Variants in VPS52 observed in about 807,000 individuals in gnomAD.
VPS52 encodes vacuolar protein sorting-associated protein 52 homolog.
In VPS52, 56 loss-of-function variants were observed where a neutral mutation model predicts 98.7. The ratio of observed to expected loss-of-function variants is 0.57; its 90% confidence interval spans 0.46 to 0.71. The LOEUF is 0.71. Ranked by LOEUF, VPS52 falls within the 30% of genes least tolerant of loss-of-function variation. The pLI is 0.00. For synonymous variants in VPS52, 348 were observed against 346.4 expected (o/e 1.00, Z -0.05); for missense variants, 742 against 925.9 (o/e 0.80, Z 2.58).
chr6:33,270,950 CAA>C (rs9280391), intron 1 of VPS52, among the ~76,000 whole-genome samples: 10,897 of 82,712 alleles, frequency 0.13, 257 homozygotes, highest in African/African-American at 0.22. Flanking sequence ...GACTCCGTCT[CAA>C]AAAAAAAAAA....
In VPS52 at chr6:33,268,933, G is replaced by A; in HGVS notation, c.548+81C>T. On this transcript the variant is annotated intron_variant, in intron 6 of 19. Transcript: ENST00000445902. The surrounding 1 kb of genome is among the most constrained non-coding windows in gnomAD (Gnocchi z 4.0). ...AAAAGCACTTAACCTGGAGCCAGGAGACCCATATGGTAAATAGGGTGGGTC... is the reference window on the plus strand; with the variant it reads ...AAAAGCACTTAACCTGGAGCCAGGAAACCCATATGGTAAATAGGGTGGGTC... 6.5e-7 allele frequency: 1 copy of A among 1,528,186 alleles called. No individual in the cohort carries two copies. The highest frequency in any genetic ancestry group is 1.4e-5 in the African/African-American group (1 of 72,160). 94.7% of individuals were successfully genotyped at this position (1,528,186 alleles called of 1,614,324 possible).
intron 12 of VPS52, 146 bp from the exon 13 acceptor site, chr6:33,265,046 T>A: frequency 1.3e-6 from 1 of 768,816 alleles, no homozygotes; most frequent in Non-Finnish European, 2.2e-6. Context: ...TGCCCCCTGC[T>A]TTCCTGTCCA....
intron 17 of VPS52, 137 bp downstream of exon 17, chr6:33,263,347 G>T: frequency 1.4e-6 from 1 of 712,314 alleles, no homozygotes; most frequent in Non-Finnish European, 2.3e-6. Context: ...AAGAGTTACA[G>T]TAATTCCGCA....
chr6:33,251,892 C>T lies in VPS52; in HGVS notation c.1874G>A (p.Arg625His), dbSNP rs761542703. ...FVKEAEALIE[R>H]GQAERLRGEE... Reference sequence around the variant, plus strand: ...CCCTCGAAGTCGCTCAGCCTGTCCACGCTCAATCAAAGCCTCAGCCTCCTT... The same window carrying T: ...CCCTCGAAGTCGCTCAGCCTGTCCATGCTCAATCAAAGCCTCAGCCTCCTT... The change falls in exon 18 of 20, where the codon CGT becomes CAT. Residue 625 changes from arginine to histidine, a missense_variant. By Grantham distance (29) the Arg-to-His change is conservative (BLOSUM62 0). This residue lies in a region of VPS52 where 590 missense variants were observed against 793.3 expected (regional missense o/e 0.74). Coordinates refer to ENST00000445902, the MANE Select transcript of VPS52 (RefSeq NM_022553.6). The T allele has an allele frequency of 1.4e-5, 22 of 1,613,328 alleles. No homozygotes were observed. The highest frequency in any genetic ancestry group is 3.3e-4 in the Middle Eastern group (2 of 6,062).
chr6:33,264,666 G>C (rs917575852), intron 13 of VPS52, 116 bp downstream of exon 13: 19 of 1,402,936 alleles, frequency 1.4e-5, no homozygotes, highest in East Asian at 9.2e-5. Context: ...CGGAGCAAAT[G>C]AATGGGAATA....
At chr6:33,266,798 C>T in intron 11 of VPS52, 86 bp from the exon 12 acceptor site, 1 of 1,504,186 alleles carries the variant, frequency 6.6e-7, no homozygotes, top group Non-Finnish European at 9.0e-7. Context: ...AATCAGTAAA[C>T]CTGAGTAATA....
intron 17 of VPS52, among the ~76,000 whole-genome samples, chr6:33,263,135 G>A (rs1263198968): frequency 2.0e-5 from 3 of 151,408 alleles, no homozygotes; most frequent in Admixed American, 6.6e-5. Flanking sequence ...ATGGTGGCTC[G>A]CACCTGTGGT....
In VPS52 at chr6:33,269,538, A is replaced by G. The variant is rs1426890809; in HGVS notation, c.324T>C (p.Asn108=). ...SIRDYIQESE[N]IASLHNQITA... ...TGATCTGGTTGTGTAGAGATGCTAT[A>G]TTCTCACTCTCTTGAATATCTGATC... is the stretch of plus-strand genomic sequence containing the variant. Residue 108 remains asparagine, a synonymous_variant, in exon 5 of 20, where the codon AAT becomes AAC. Transcript: ENST00000445902. 6.2e-6 allele frequency: 10 copies of G among 1,611,082 alleles called. No homozygotes were observed. Among genetic ancestry groups the G allele is most frequent in the Non-Finnish European group, 8.5e-6 (10 of 1,179,128 alleles).
chr6:33,261,187 G>C lies in VPS52; in HGVS notation c.1794+2297C>G, dbSNP rs116574145. On this transcript the variant is annotated intron_variant, in intron 17 of 19. Transcript: ENST00000445902. ...ACACTGGGGAAAAGATAGTCTCTTG[G>C]TCAGGCACGGTAGCTCACGCCTGTA... 5.9e-3 allele frequency among the ~76,000 whole-genome samples: 904 copies of C among 152,132 alleles called. 11 individuals carry two copies. The highest frequency in any genetic ancestry group is 0.021 in the African/African-American group (875 of 41,492).
intron 5 of VPS52, 137 bp from the exon 6 acceptor site, chr6:33,269,326 G>A: frequency 1.4e-6 from 2 of 1,417,550 alleles, no homozygotes; most frequent in Non-Finnish European, 2.0e-6. Flanking sequence ...AGATTATCAG[G>A]AAATAACATT....
chr6:33,270,106 T>A (rs1326757105), intron 2 of VPS52, 55 bp from the exon 3 acceptor site: 1 of 1,613,358 alleles, frequency 6.2e-7, no homozygotes, highest in East Asian at 2.2e-5. Context: ...TCTCCCCACA[T>A]TGAGTATCTG....
At chr6:33,264,582 G>A (rs1024878420) in intron 13 of VPS52, 85 bp from the exon 14 acceptor site, 5 of 1,584,704 alleles carry the variant, frequency 3.2e-6, no homozygotes, top group Non-Finnish European at 3.4e-6. Context: ...TCAGTTTAAT[G>A]GTCAATAGCT....
Position 33,267,503 on chromosome 6 carries a change from G to T in VPS52, c.991+179C>A. 3 of 1,197,134 alleles carry T rather than the reference G, an allele frequency of 2.5e-6. No homozygotes were observed. Among genetic ancestry groups the T allele is most frequent in the Non-Finnish European group, 2.4e-6 (2 of 849,040 alleles). The allele number at this position is 1,197,134 out of a possible 1,614,324, so 74.2% of individuals were successfully genotyped here. On this transcript the variant is annotated intron_variant, in intron 10 of 19. Coordinates refer to ENST00000445902, the MANE Select transcript of VPS52 (RefSeq NM_022553.6). This position sits in a 1 kb window ranked among gnomAD's most constrained non-coding sequence, Gnocchi z 4.2. ...GTCTCTCCCTCCCTTGCAATCATAT[G>T]CAAAACTATGTGTCAAAATAATGTG...
Position 33,267,915 on chromosome 6 carries a change from T to C in VPS52, c.883A>G (p.Ile295Val), listed in dbSNP as rs769260276. 13 of 1,613,076 alleles carry C rather than the reference T, an allele frequency of 8.1e-6. No individual in the cohort carries two copies. The South Asian group carries it at 9.9e-5, about 12-fold the overall frequency. Residue 295 changes from isoleucine (I) to valine (V), a missense_variant, in exon 9 of 20, where the codon ATT becomes GTT. By Grantham distance (29) the Ile-to-Val change is conservative. Coordinates refer to ENST00000445902, the MANE Select transcript of VPS52 (RefSeq NM_022553.6). The surrounding 1 kb of genome is among the most constrained non-coding windows in gnomAD (Gnocchi z 4.2). ...RDEYVETLSK[I>V]YLSYYRSYLG... Reference sequence around the variant, plus strand: ...TAAGAGCGGTAGTAAGACAGGTAAATCTTGCTCAGCGTCTCCACATATTCA... The same window carrying C: ...TAAGAGCGGTAGTAAGACAGGTAAACCTTGCTCAGCGTCTCCACATATTCA...
chr6:33,270,339 T>A (rs1258038748), intron 1 of VPS52, 56 bp from the exon 2 acceptor site: 1 of 1,485,438 alleles, frequency 6.7e-7, no homozygotes, highest in African/African-American at 1.4e-5. Flanking sequence ...AAAGAAAAAA[T>A]ATAATTGGAT....
rs1248317193 is a variant in VPS52 at position 33,264,843 on chromosome 6, T to C, written c.1339A>G (p.Ile447Val). Reference sequence around the variant, plus strand: ...TTACGGAACCGGAGAACAATGTGGATACAGAGAAAAACAGCAATGGCATCG... The same window carrying C: ...TTACGGAACCGGAGAACAATGTGGACACAGAGAAAAACAGCAATGGCATCG... Reference protein sequence around the residue: ...CYDAIAVFLCIHIVLRFRNIA... With the variant: ...CYDAIAVFLCVHIVLRFRNIA... The change falls in exon 13 of 20, where the codon ATC becomes GTC. Residue 447 changes from isoleucine to valine, a missense_variant. Around this residue, in one of 2 missense-constraint regions of VPS52, gnomAD observed 590 missense variants for 793.3 expected, o/e 0.74. Coordinates refer to ENST00000445902, the MANE Select transcript of VPS52 (RefSeq NM_022553.6). The C allele has an allele frequency of 1.2e-6, 2 of 1,613,056 alleles. No homozygotes were observed. The highest frequency in any genetic ancestry group is 2.2e-5 in the East Asian group (1 of 44,874).
intron 17 of VPS52, among the ~76,000 whole-genome samples, chr6:33,260,146 G>C (rs184588041): frequency 2.4e-4 from 37 of 152,244 alleles, no homozygotes; most frequent in African/African-American, 7.9e-4. Context: ...GACAATATTA[G>C]AAAAATTATG....
rs770299652 is a variant in VPS52, at chr6:33,263,629, T to C, written c.1729-80A>G. On this transcript the variant is annotated intron_variant, in intron 16 of 19. Coordinates refer to ENST00000445902, the MANE Select transcript of VPS52 (RefSeq NM_022553.6). ...GGATGTCCCCTTCATTCCACACTTA[T>C]TGTACTAAGCTGGACACTGTGCCAG... The C allele has an allele frequency of 8.3e-5, 132 of 1,594,196 alleles. No homozygotes were observed. The highest frequency in any genetic ancestry group is 1.0e-4 in the Non-Finnish European group (122 of 1,163,240).
At chr6:33,266,782 C>G in intron 11 of VPS52, 70 bp from the exon 12 acceptor site, 1 of 1,534,002 alleles carries the variant, frequency 6.5e-7, no homozygotes, top group Non-Finnish European at 8.8e-7. Context: ...ATGGATATGG[C>G]TGGAAAATCA....
Sources: gnomAD v4.1 joint callset for allele counts (sites outside exome capture counted in the v4.1 genomes callset) on GRCh38, gnomAD v4.1.1 for gene constraint, gnomAD v4.1.1 regional missense constraint, Gnocchi (gnomAD v3.1) non-coding constraint, MANE v1.5 for transcripts, NCBI Gene and HGNC (gene_info 2026-07-23, HGNC 2026-07-21) for gene names.